ADCY1: variants seen among roughly 807,000 people sequenced by gnomAD.
ADCY1 encodes adenylate cyclase type 1.
Under a neutral mutation model 105.4 loss-of-function variants are expected in ADCY1, and 28 were observed. The ratio of observed to expected loss-of-function variants is 0.27; its 90% CI spans 0.20 to 0.36. ADCY1 has a LOEUF of 0.36. Among genes scored for constraint, ADCY1 ranks in the 10% least tolerant of loss-of-function variants. The pLI is 1.00. For synonymous variants in ADCY1, 655 were observed against 623.8 expected (o/e 1.05, Z -0.75); for missense variants, 977 against 1,434.2 (o/e 0.68, Z 5.15).
At chr7:45,650,585 G>A (rs1794784013) in intron 5 of ADCY1, among the ~76,000 whole-genome samples, 1 of 152,160 alleles carries the variant, frequency 6.6e-6, no homozygotes, top group African/African-American at 2.4e-5. Flanking sequence ...GAACTGGATG[G>A]CCTTCTGCCC....
chr7:45,646,441 C>T (rs1031549054), intron 4 of ADCY1, among the ~76,000 whole-genome samples: 3 of 152,322 alleles, frequency 2.0e-5, no homozygotes, highest in African/African-American at 7.2e-5. Flanking sequence ...TGGGACAGGA[C>T]ACGGTCCTTT....
intron 8 of ADCY1, chr7:45,664,582 T>C (rs1795219603): frequency 6.0e-6 from 7 of 1,169,388 alleles, no homozygotes; most frequent in Non-Finnish European, 7.9e-6. Context: ...AATCCTACCA[T>C]CTCACAAAAA....
At chr7:45,638,580 T>G (rs538952140) in intron 4 of ADCY1, among the ~76,000 whole-genome samples, 1 of 151,622 alleles carries the variant, frequency 6.6e-6, no homozygotes, top group Non-Finnish European at 1.5e-5. Context: ...TCTGCCTGAG[T>G]CAGTTTTTGA....
At chr7:45,700,852 T>TG (rs1784983240) in intron 14 of ADCY1, among the ~76,000 whole-genome samples, 2 of 152,140 alleles carry the variant, frequency 1.3e-5, no homozygotes, top group Non-Finnish European at 2.9e-5. Flanking sequence ...AGGGTGACTG[T>TG]GGGGGTCACT....
chr7:45,635,115 T>C (rs1465362845), intron 4 of ADCY1, among the ~76,000 whole-genome samples: 1 of 151,272 alleles, frequency 6.6e-6, no homozygotes, highest in Non-Finnish European at 1.5e-5. Context: ...ATTTAATTTC[T>C]TTAAATAGAG....
chr7:45,639,819 C>T (rs1052441301), intron 4 of ADCY1, among the ~76,000 whole-genome samples: 26 of 152,148 alleles, frequency 1.7e-4, no homozygotes, highest in African/African-American at 6.0e-4. Flanking sequence ...CCCCATGAGA[C>T]ATTCCCATTC....
chr7:45,587,105 C>G (rs536513844), intron 1 of ADCY1, among the ~76,000 whole-genome samples: 1 of 152,100 alleles, frequency 6.6e-6, no homozygotes, highest in Non-Finnish European at 1.5e-5. Flanking sequence ...GTTTTCATAC[C>G]CAATAGGAGT....
At chr7:45,634,257 C>G (rs1431440637) in intron 4 of ADCY1, among the ~76,000 whole-genome samples, 1 of 152,080 alleles carries the variant, frequency 6.6e-6, no homozygotes, top group Non-Finnish European at 1.5e-5. Flanking sequence ...CTGGCTAGAA[C>G]CACCAGTACA....
intron 4 of ADCY1, among the ~76,000 whole-genome samples, chr7:45,623,051 A>G (rs1584278330): frequency 6.6e-6 from 1 of 152,186 alleles, no homozygotes; most frequent in Non-Finnish European, 1.5e-5. Context: ...TGTCCTGTGC[A>G]CCATCCTGCT....
chr7:45,631,790 A>G (rs79014161), intron 4 of ADCY1, among the ~76,000 whole-genome samples: 3,083 of 152,338 alleles, frequency 0.02, 98 homozygotes, highest in East Asian at 0.13. Flanking sequence ...TTCATTTGCC[A>G]GCTATCTAAG....
At position 45,720,316 on chromosome 7, in the gene ADCY1, G is replaced by T; in HGVS notation, c.*6321G>T. 1 of 152,082 alleles carries T rather than the reference G, an allele frequency of 6.6e-6. No individual in the cohort carries two copies. The allele number at this position is 152,082 out of a possible 1,614,324, so 9.4% of individuals were successfully genotyped here. A position where few individuals can be genotyped will look rare whatever the true frequency, so the allele number is the denominator to read the frequency against. On this transcript the variant is annotated 3_prime_UTR_variant, in exon 20 of 20. Coordinates refer to ENST00000297323, the MANE Select transcript of ADCY1 (RefSeq NM_021116.4). ...CATTGAGGTCAGGAGCTCAAGACCAGCCTGGTCAACATGGTGAAACCCCGT... is the reference window on the plus strand; with the variant it reads ...CATTGAGGTCAGGAGCTCAAGACCATCCTGGTCAACATGGTGAAACCCCGT...
intron 4 of ADCY1, among the ~76,000 whole-genome samples, chr7:45,635,851 G>A (rs1160144194): frequency 1.3e-5 from 2 of 151,610 alleles, no homozygotes; most frequent in Non-Finnish European, 2.9e-5. Context: ...TAGGTCAATT[G>A]GTTGATAGAA....
chr7:45,622,046 T>G (rs557106033), intron 3 of ADCY1, among the ~76,000 whole-genome samples: 1 of 152,114 alleles, frequency 6.6e-6, no homozygotes, highest in Non-Finnish European at 1.5e-5. Context: ...CTGTGATAAA[T>G]AGACACTCAG....
At chr7:45,676,387 T>C (rs1720784951) in intron 8 of ADCY1, among the ~76,000 whole-genome samples, 1 of 152,208 alleles carries the variant, frequency 6.6e-6, no homozygotes, top group South Asian at 2.1e-4. Context: ...CTTTCTCAAG[T>C]TGACATTTTT....
intron 8 of ADCY1, among the ~76,000 whole-genome samples, chr7:45,674,215 TTGGGTA>T (rs1455540436): frequency 1.3e-5 from 2 of 152,032 alleles, no homozygotes; most frequent in Non-Finnish European, 2.9e-5. Context: ...ATACATACTC[TTGGGTA>T]CCTGAAAAGA....
rs940785673 is a variant in ADCY1 at position 45,703,608 on chromosome 7, C to T, written c.2580C>T (p.Tyr860=). The part of the protein sequence containing the change: ...LMSNPRNMDL[Y]YQSYSQVGVM... ...ATCCTTTGAACTTCCAGGACCTCTA[C>T]TACCAGTCCTACTCCCAGGTGGGCG... is the stretch of plus-strand genomic sequence containing the variant. Residue 860 remains tyrosine, a synonymous_variant, in exon 16 of 20, where the codon TAC becomes TAT. Coordinates refer to ENST00000297323, the MANE Select transcript of ADCY1 (RefSeq NM_021116.4). This position sits in a 1 kb window ranked among gnomAD's most constrained non-coding sequence, Gnocchi z 5.9. 1 of 1,612,124 alleles carries T rather than the reference C, an allele frequency of 6.2e-7. No homozygotes were observed. Among genetic ancestry groups the T allele is most frequent in the Non-Finnish European group, 8.5e-7 (1 of 1,178,984 alleles).
rs1785385548 is a variant in ADCY1 at position 45,717,771 on chromosome 7, T to TA, written c.*3777dup. The TA allele has an allele frequency of 6.6e-6, 1 of 152,448 alleles. No individual in the cohort carries two copies. Among genetic ancestry groups the TA allele is most frequent in the African/African-American group, 2.4e-5 (1 of 41,438 alleles). 9.4% of individuals were successfully genotyped at this position (152,448 alleles called of 1,614,324 possible). The stretch of plus-strand genomic sequence containing the variant: ...GTGGTCCATGCCTGCGGGGTGTCTG[T>TA]ATCCTGCAGGAGGACGCCCCTACAG... On this transcript the variant is annotated 3_prime_UTR_variant, in exon 20 of 20. Coordinates refer to ENST00000297323, the MANE Select transcript of ADCY1 (RefSeq NM_021116.4).
intron 3 of ADCY1, among the ~76,000 whole-genome samples, chr7:45,614,408 A>G (rs1027475397): frequency 6.6e-5 from 10 of 152,228 alleles, no homozygotes; most frequent in Admixed American, 5.9e-4. Context: ...AGGAGAAAGA[A>G]AAAGGAATCA....
intron 1 of ADCY1, among the ~76,000 whole-genome samples, chr7:45,579,652 G>C (rs1444224228): frequency 1.3e-5 from 2 of 152,206 alleles, no homozygotes; most frequent in Non-Finnish European, 2.9e-5. Flanking sequence ...GAGGTGGGGT[G>C]CTCCTCCTGG....
Sources: allele counts gnomAD v4.1 joint callset (sites outside exome capture counted in the v4.1 genomes callset), GRCh38; gene constraint gnomAD v4.1.1; non-coding constraint Gnocchi (gnomAD v3.1); transcripts MANE v1.5; gene names NCBI Gene and HGNC (gene_info 2026-07-23, HGNC 2026-07-21).